Variants in PPP4R2 observed in about 807,000 individuals in gnomAD.
PPP4R2 encodes the protein serine/threonine-protein phosphatase 4 regulatory subunit 2.
In PPP4R2, 13 loss-of-function variants were observed where a neutral mutation model predicts 47.2. That is an observed-to-expected ratio of 0.28 (90% confidence interval 0.18 to 0.44). PPP4R2 has a LOEUF of 0.44. Ranked by LOEUF, PPP4R2 falls within the 20% of genes least tolerant of loss-of-function variation. The pLI is 1.00. For synonymous variants in PPP4R2, 151 were observed against 163.3 expected (o/e 0.92, Z 0.57); for missense variants, 421 against 491.2 (o/e 0.86, Z 1.35).
intron 2 of PPP4R2, among the ~76,000 whole-genome samples, chr3:73,041,510 T>C (rs1029205376): frequency 6.6e-6 from 1 of 152,258 alleles, no homozygotes. Context: ...ATATCTGCCT[T>C]TTAAACATTA....
At chr3:73,064,812 AAAT>A (rs1559571815) in intron 7 of PPP4R2, 37 bp from the exon 8 acceptor site, 1 of 1,514,544 alleles carries the variant, frequency 6.6e-7, no homozygotes, top group Non-Finnish European at 8.9e-7. Context: ...AAGATGGGGA[AAAT>A]AATCTTATTA....
intron 2 of PPP4R2, among the ~76,000 whole-genome samples, chr3:73,033,385 T>A (rs1410970841): frequency 6.6e-6 from 1 of 152,192 alleles, no homozygotes; most frequent in Non-Finnish European, 1.5e-5. Context: ...AATTACACAG[T>A]TTTACTGCAG....
At chr3:73,034,520 G>A (rs1265675802) in intron 2 of PPP4R2, among the ~76,000 whole-genome samples, 1 of 152,150 alleles carries the variant, frequency 6.6e-6, no homozygotes, top group Non-Finnish European at 1.5e-5. Flanking sequence ...GGAGGGATGA[G>A]ACTGCAGCAA....
chr3:73,045,745 T>C (rs982415025), intron 2 of PPP4R2, among the ~76,000 whole-genome samples: 4 of 152,098 alleles, frequency 2.6e-5, no homozygotes, highest in Non-Finnish European at 4.4e-5. Flanking sequence ...CAGGCTGATC[T>C]CGAACTCCTG....
Position 73,055,013 on chromosome 3 carries a change from A to T in PPP4R2, c.288-4024A>T, listed in dbSNP as rs981255767. On this transcript the variant is annotated intron_variant, in intron 3 of 8. Coordinates refer to ENST00000356692, the MANE Select transcript of PPP4R2 (RefSeq NM_174907.4). ...TTAGGTGTACAAGACTTCTGCTTTT[A>T]AAAAAAAGTAAATAGGGACAGCTTG... Among the ~76,000 whole-genome samples the T allele has an allele frequency of 2.5e-4, 38 of 151,970 alleles. 2 individuals are homozygous for T. Among genetic ancestry groups the T allele is most frequent in the Admixed American group, 2.1e-3 (32 of 15,240 alleles).
intron 5 of PPP4R2, chr3:73,062,071 A>G: frequency 6.6e-7 from 1 of 1,515,970 alleles, no homozygotes; most frequent in Non-Finnish European, 8.8e-7. Context: ...GTCAAGTCAT[A>G]GCGACTAATA....
chr3:73,031,929 T>C (rs1211845236), intron 2 of PPP4R2, among the ~76,000 whole-genome samples: 5 of 152,238 alleles, frequency 3.3e-5, no homozygotes, highest in Admixed American at 2.6e-4. Context: ...CTTACACTAA[T>C]GTTAACCCTT....
intron 4 of PPP4R2, among the ~76,000 whole-genome samples, 174 bp downstream of exon 4, chr3:73,059,304 A>G (rs1181089579): frequency 6.6e-6 from 1 of 152,212 alleles, no homozygotes; most frequent in Non-Finnish European, 1.5e-5. Flanking sequence ...GAGAGATTTA[A>G]TAGGACCGGG....
intron 4 of PPP4R2, 67 bp from the exon 5 acceptor site, chr3:73,060,955 CA>C: frequency 2.6e-6 from 3 of 1,137,288 alleles, no homozygotes; most frequent in South Asian, 3.2e-5. Context: ...ATTTTAGAAA[CA>C]AAAATGATGA....
rs757842781 is a variant in PPP4R2 at position 73,062,625 on chromosome 3, G to A, written c.420-1048G>A. On this transcript the variant is annotated intron_variant, in intron 5 of 8. Transcript: ENST00000356692. ...CTTTATTGCCCTTGAGAAGTCATCA[G>A]TTCTCCGCCACTGCTGTGACCTTTT... is the stretch of plus-strand genomic sequence containing the variant. 5 of 1,613,874 alleles carry A rather than the reference G, an allele frequency of 3.1e-6. No individual in the cohort carries two copies. In the East Asian group the frequency reaches 8.9e-5, roughly 29 times the overall value.
chr3:73,057,975 C>T (rs961000857), intron 3 of PPP4R2, among the ~76,000 whole-genome samples: 4 of 152,086 alleles, frequency 2.6e-5, no homozygotes, highest in African/African-American at 9.7e-5. Context: ...ATTGGTATGG[C>T]AGACACTGAA....
At chr3:73,055,302 T>A (rs984442221) in intron 3 of PPP4R2, among the ~76,000 whole-genome samples, 13 of 152,132 alleles carry the variant, frequency 8.5e-5, no homozygotes, top group Non-Finnish European at 1.9e-4. Flanking sequence ...TCGTATTTAG[T>A]CGTCATGATA....
At chr3:73,062,016 C>T in intron 5 of PPP4R2, 3 of 1,161,704 alleles carry the variant, frequency 2.6e-6, no homozygotes, top group Non-Finnish European at 3.6e-6. Context: ...TTTTGTTTTG[C>T]TCATGAACGT....
chr3:73,056,113 T>G (rs150642514), intron 3 of PPP4R2, among the ~76,000 whole-genome samples: 58 of 152,322 alleles, frequency 3.8e-4, no homozygotes, highest in Non-Finnish European at 6.6e-4. Context: ...GTATGCTATG[T>G]CTAATGGATG....
intron 2 of PPP4R2, among the ~76,000 whole-genome samples, chr3:73,023,923 G>T (rs1702009196): frequency 6.6e-6 from 1 of 152,008 alleles, no homozygotes; most frequent in South Asian, 2.1e-4. Context: ...TTTGCTTTTT[G>T]ATATTCAGTT....
intron 2 of PPP4R2, among the ~76,000 whole-genome samples, chr3:73,017,341 A>G (rs989252853): frequency 8.4e-6 from 1 of 119,608 alleles, no homozygotes; most frequent in African/African-American, 3.5e-5. Context: ...TTAGTTTCCC[A>G]TAAATTCTGC....
intron 2 of PPP4R2, among the ~76,000 whole-genome samples, chr3:73,011,633 C>G (rs548066865): frequency 9.2e-5 from 14 of 152,000 alleles, no homozygotes; most frequent in Non-Finnish European, 1.5e-4. Context: ...GAGTGTGGGT[C>G]AATAAGATAG....
intron 2 of PPP4R2, among the ~76,000 whole-genome samples, chr3:73,027,009 C>T (rs1457808960): frequency 6.6e-6 from 1 of 152,216 alleles, no homozygotes; most frequent in Non-Finnish European, 1.5e-5. Context: ...CCAACTCATA[C>T]ATATGCTTCT....
chr3:73,046,421 T>C (rs530377790), intron 2 of PPP4R2, among the ~76,000 whole-genome samples: 14 of 152,290 alleles, frequency 9.2e-5, no homozygotes, highest in Admixed American at 5.2e-4. Flanking sequence ...CCTGAGGAAA[T>C]GGTTAGCATT....
Sources: allele counts gnomAD v4.1 joint callset (sites outside exome capture counted in the v4.1 genomes callset), GRCh38; gene constraint gnomAD v4.1.1; transcripts MANE v1.5; gene names NCBI Gene and HGNC (gene_info 2026-07-23, HGNC 2026-07-21).